CCNY: variants seen among roughly 807,000 people sequenced by gnomAD.
CCNY encodes the protein cyclin Y.
CCNY carries 19 observed loss-of-function variants against 42.8 expected under a neutral mutation model. The ratio of observed to expected loss-of-function variants is 0.44; its 90% CI spans 0.31 to 0.65. The LOEUF (loss-of-function observed/expected upper bound fraction) is 0.65, where lower values mean the gene tolerates loss of function less well. Among genes scored for constraint, CCNY ranks in the 30% least tolerant of loss-of-function variants. CCNY has a pLI of 0.07. For synonymous variants in CCNY, 165 were observed against 162.7 expected (o/e 1.01, Z -0.11); for missense variants, 370 against 437.3 (o/e 0.85, Z 1.37).
At chr10:35,355,995 G>GT (rs1477185504) in intron 1 of CCNY, among the ~76,000 whole-genome samples, 1 of 151,962 alleles carries the variant, frequency 6.6e-6, no homozygotes, top group East Asian at 1.9e-4. Flanking sequence ...TGTTGATAGG[G>GT]TTTTGCTTTT....
chr10:35,505,655 A>G (rs949767492), intron 3 of CCNY, among the ~76,000 whole-genome samples: 1 of 152,200 alleles, frequency 6.6e-6, no homozygotes, highest in South Asian at 2.1e-4. Context: ...TTCCAGACCT[A>G]CTTGACTCAA....
At chr10:35,482,067 C>T (rs1001489274) in intron 1 of CCNY, among the ~76,000 whole-genome samples, 4 of 152,214 alleles carry the variant, frequency 2.6e-5, no homozygotes, top group East Asian at 1.9e-4. Context: ...TCAGGTACTC[C>T]GGGAGAAGTT....
At chr10:35,432,964 C>T (rs1469296212) in intron 1 of CCNY, among the ~76,000 whole-genome samples, 3 of 152,166 alleles carry the variant, frequency 2.0e-5, no homozygotes, top group Non-Finnish European at 2.9e-5. Context: ...ACTAGACTAA[C>T]GTGCCATTAG....
chr10:35,483,351 C>A, intron 1 of CCNY, 53 bp from the exon 2 acceptor site: 1 of 1,180,666 alleles, frequency 8.5e-7, no homozygotes, highest in Non-Finnish European at 1.3e-6. Context: ...AATCTTGATT[C>A]CTCTTAGTTA....
intron 3 of CCNY, among the ~76,000 whole-genome samples, chr10:35,253,505 T>C (rs1208537322): frequency 6.7e-6 from 1 of 149,428 alleles, no homozygotes; most frequent in African/African-American, 2.5e-5. Context: ...CTTGAACTTC[T>C]GACTTTAAGC....
intron 1 of CCNY, among the ~76,000 whole-genome samples, chr10:35,435,916 A>T (rs546544455): frequency 1.1e-4 from 17 of 152,264 alleles, no homozygotes; most frequent in Admixed American, 1.0e-3. Context: ...GTGACGATGG[A>T]TAGTGCCTCC....
chr10:35,436,906 G>A (rs1185193837), intron 1 of CCNY, among the ~76,000 whole-genome samples: 1 of 152,122 alleles, frequency 6.6e-6, no homozygotes, highest in Non-Finnish European at 1.5e-5. Context: ...ATATACCTGA[G>A]ACTGGGTAAT....
At chr10:35,439,912 G>A (rs1838628708) in intron 1 of CCNY, among the ~76,000 whole-genome samples, 1 of 152,104 alleles carries the variant, frequency 6.6e-6, no homozygotes, top group Non-Finnish European at 1.5e-5. Context: ...GTTGGTGGGA[G>A]TCTCACTTCT....
At chr10:35,501,607 A>G (rs1174525949) in intron 3 of CCNY, 72 bp downstream of exon 3, 5 of 1,252,966 alleles carry the variant, frequency 4.0e-6, no homozygotes, top group African/African-American at 2.9e-5. Flanking sequence ...ACTGTCTGTG[A>G]TGGATGAAAA....
At chr10:35,542,054 T>C (rs1015566190) in intron 7 of CCNY, among the ~76,000 whole-genome samples, 3 of 149,538 alleles carry the variant, frequency 2.0e-5, no homozygotes, top group Non-Finnish European at 3.0e-5. Flanking sequence ...GACACCATAT[T>C]GTATCTAGTT....
Position 35,569,103 on chromosome 10 carries a change from C to T in CCNY, c.959C>T (p.Ala320Val), listed in dbSNP as rs755354910. The change falls in exon 10 of 10, where the codon GCG becomes GTG. Residue 320 changes from alanine (A) to valine (V), a missense_variant. Around this residue, in one of 2 missense-constraint regions of CCNY, gnomAD observed 234 missense variants for 313.1 expected, o/e 0.75. Coordinates refer to ENST00000374704, the MANE Select transcript of CCNY (RefSeq NM_145012.6). ...EDKYKDLRRS[A>V]RKRSASADNL... Reference sequence around the variant, plus strand: ...AAGTACAAGGACCTAAGAAGATCCGCGAGGAAGCGCTCAGCCAGTGCAGAC... The same window carrying T: ...AAGTACAAGGACCTAAGAAGATCCGTGAGGAAGCGCTCAGCCAGTGCAGAC... 37 of 1,613,000 alleles carry T rather than the reference C, an allele frequency of 2.3e-5. No homozygotes were observed. In the East Asian group the frequency reaches 3.1e-4, roughly 14 times the overall value.
At chr10:35,409,472 G>T (rs955289579) in intron 1 of CCNY, among the ~76,000 whole-genome samples, 1 of 152,194 alleles carries the variant, frequency 6.6e-6, no homozygotes, top group Non-Finnish European at 1.5e-5. Flanking sequence ...TCATTGTGAA[G>T]TGACTGTAGG....
At position 35,565,124 on chromosome 10, in the gene CCNY, C is replaced by A. The variant is rs544224705; in HGVS notation, c.747-899C>A. On this transcript the variant is annotated intron_variant, in intron 8 of 9. Coordinates refer to ENST00000374704, the MANE Select transcript of CCNY (RefSeq NM_145012.6). Reference sequence around the variant, plus strand: ...CCCAGAGGAACTATCTAGAAATAAACCTAATTTGAAAGATAGCTGACATGA... The same window carrying A: ...CCCAGAGGAACTATCTAGAAATAAAACTAATTTGAAAGATAGCTGACATGA... Among the ~76,000 whole-genome samples the A allele has an allele frequency of 3.3e-5, 5 of 152,308 alleles. No individual in the cohort carries two copies. The South Asian group carries it at 8.3e-4, about 25-fold the overall frequency.
chr10:35,460,063 A>G (rs780469653), intron 1 of CCNY, among the ~76,000 whole-genome samples: 1 of 152,178 alleles, frequency 6.6e-6, no homozygotes. Context: ...ATAGCAGGGG[A>G]TGTTAACAGC....
chr10:35,500,590 T>C (rs1432247997), intron 2 of CCNY, among the ~76,000 whole-genome samples: 1 of 152,210 alleles, frequency 6.6e-6, no homozygotes, highest in African/African-American at 2.4e-5. Context: ...TAGGATGTTA[T>C]CTCCTTGAAT....
intron 3 of CCNY, among the ~76,000 whole-genome samples, chr10:35,313,809 C>A (rs148029830): frequency 6.6e-6 from 1 of 151,566 alleles, no homozygotes; most frequent in South Asian, 2.1e-4. Flanking sequence ...ACCGTCTCTA[C>A]CAAAAAAGAT....
chr10:35,279,908 C>A (rs1835280769), intron 3 of CCNY, among the ~76,000 whole-genome samples: 1 of 152,230 alleles, frequency 6.6e-6, no homozygotes, highest in Admixed American at 6.5e-5. Context: ...CATCCCCCAG[C>A]TGCTTTTGCT....
At chr10:35,412,860 C>CAAAAAAAAAAAAAAAA (rs10558250) in intron 1 of CCNY, among the ~76,000 whole-genome samples, 26 of 34,768 alleles carry the variant, frequency 7.5e-4, no homozygotes, top group African/African-American at 1.6e-3. Context: ...GACTCTGTCT[C>CAAAAAAAAAAAAAAAA]AAAAAAAAAA....
intron 1 of CCNY, among the ~76,000 whole-genome samples, chr10:35,381,393 C>T (rs528683070): frequency 2.6e-5 from 4 of 151,976 alleles, no homozygotes; most frequent in African/African-American, 9.6e-5. Context: ...AACCCCGTCT[C>T]TACTAAAAAT....
Sources: gnomAD v4.1 joint callset for allele counts (sites outside exome capture counted in the v4.1 genomes callset) on GRCh38, gnomAD v4.1.1 for gene constraint, gnomAD v4.1.1 regional missense constraint, MANE v1.5 for transcripts, NCBI Gene and HGNC (gene_info 2026-07-23, HGNC 2026-07-21) for gene names.